CHRM3: variants seen among roughly 807,000 people sequenced by gnomAD.
CHRM3 encodes the protein cholinergic receptor muscarinic 3, also known as muscarinic acetylcholine receptor M3.
A neutral mutation model predicts 41.8 loss-of-function variants in CHRM3; 11 were observed. That is an observed-to-expected ratio of 0.26 (90% CI 0.17 to 0.44). The LOEUF (loss-of-function observed/expected upper bound fraction) is 0.44. Ranked by LOEUF, CHRM3 falls within the 20% of genes least tolerant of loss-of-function variation. The pLI, the probability that CHRM3 is intolerant of heterozygous loss-of-function variation, is 1.00. For synonymous variants in CHRM3, 297 were observed against 301.4 expected (o/e 0.99, Z 0.15); for missense variants, 571 against 745.4 (o/e 0.77, Z 2.72).
chr1:239,417,401 G>T (rs1661573729), intron 1 of CHRM3, among the ~76,000 whole-genome samples: 1 of 152,120 alleles, frequency 6.6e-6, no homozygotes, highest in African/African-American at 2.4e-5. Flanking sequence ...CACCAGATCT[G>T]CAGGACAGAA....
intron 1 of CHRM3, among the ~76,000 whole-genome samples, chr1:239,448,486 T>C (rs1315022702): frequency 6.6e-6 from 1 of 152,160 alleles, no homozygotes; most frequent in Non-Finnish European, 1.5e-5. Flanking sequence ...TGCGAAGTTA[T>C]TGAGGAATGA....
At chr1:239,697,517 C>CA (rs1660310764) in intron 5 of CHRM3, among the ~76,000 whole-genome samples, 2 of 151,816 alleles carry the variant, frequency 1.3e-5, no homozygotes, top group South Asian at 2.1e-4. Context: ...AGCATTTGAG[C>CA]AAAAAATGAT....
At position 239,549,381 on chromosome 1, in the gene CHRM3, T is replaced by C. The variant is rs374420500; in HGVS notation, c.-313+3632T>C. Among the ~76,000 whole-genome samples, 7 of 151,646 alleles carry C rather than the reference T, an allele frequency of 4.6e-5. No homozygotes were observed. In the East Asian group the frequency reaches 1.2e-3, roughly 25 times the overall value. ...CTTTAGAAGTCTCCTTCTGGCTGGA[T>C]GCAGTGGCCTATAATCCCAGCACTT... On this transcript the variant is annotated intron_variant, in intron 3 of 6. Transcript: ENST00000676153.
intron 5 of CHRM3, among the ~76,000 whole-genome samples, chr1:239,796,738 T>C (rs1669807994): frequency 6.6e-6 from 1 of 152,144 alleles, no homozygotes; most frequent in Non-Finnish European, 1.5e-5. Flanking sequence ...AGTGCATTTT[T>C]GTTACATGGA....
intron 4 of CHRM3, among the ~76,000 whole-genome samples, chr1:239,636,656 T>A (rs562828389): frequency 6.6e-6 from 1 of 152,304 alleles, no homozygotes; most frequent in East Asian, 1.9e-4. Context: ...GATAATTATA[T>A]GTTTGGAAAA....
At chr1:239,807,941 A>G (rs1176475580) in intron 5 of CHRM3, among the ~76,000 whole-genome samples, 1 of 152,030 alleles carries the variant, frequency 6.6e-6, no homozygotes, top group Non-Finnish European at 1.5e-5. Context: ...AGTCATTATG[A>G]TTATCTCATT....
intron 5 of CHRM3, among the ~76,000 whole-genome samples, chr1:239,782,016 A>G (rs1044030818): frequency 1.3e-5 from 2 of 152,040 alleles, no homozygotes; most frequent in Non-Finnish European, 2.9e-5. Context: ...TTGGTTTGCT[A>G]ATATTTTGTT....
In CHRM3 at chr1:239,497,571, A is replaced by T. The variant is rs142134032; in HGVS notation, c.-422+4764A>T. On this transcript the variant is annotated intron_variant, in intron 2 of 6. Transcript: ENST00000676153. The stretch of plus-strand genomic sequence containing the variant: ...TATCTGCAAGTTACTCTCTTGAAAG[A>T]ATAACGAAAGGTTGAGAGATCTGTA... Among the ~76,000 whole-genome samples, 48 of 152,362 alleles carry T rather than the reference A, an allele frequency of 3.2e-4. 1 individual carries two copies. The East Asian group carries it at 8.3e-3, about 26-fold the overall frequency.
intron 6 of CHRM3, among the ~76,000 whole-genome samples, chr1:239,895,943 C>T (rs1343477864): frequency 6.6e-6 from 1 of 152,156 alleles, no homozygotes; most frequent in Non-Finnish European, 1.5e-5. Context: ...ATGTAACAAA[C>T]CTGCCCATGT....
chr1:239,684,554 G>A (rs987527555), intron 5 of CHRM3, among the ~76,000 whole-genome samples: 9 of 151,424 alleles, frequency 5.9e-5, no homozygotes, highest in Middle Eastern at 3.4e-3. Flanking sequence ...AAAATTAGCC[G>A]GGCATGTTGG....
intron 1 of CHRM3, among the ~76,000 whole-genome samples, chr1:239,461,756 C>G (rs1665377440): frequency 6.6e-6 from 1 of 152,058 alleles, no homozygotes; most frequent in Non-Finnish European, 1.5e-5. Flanking sequence ...ATTTTTCTAC[C>G]TGTTCCTCAC....
chr1:239,512,185 A>G (rs760752639), intron 2 of CHRM3, among the ~76,000 whole-genome samples: 3 of 152,188 alleles, frequency 2.0e-5, no homozygotes, highest in Non-Finnish European at 4.4e-5. Flanking sequence ...GGTGAAAACC[A>G]CAGTTCACTC....
intron 1 of CHRM3, among the ~76,000 whole-genome samples, chr1:239,404,467 AAAAAGAAAGAAAGAAAGG>A (rs1660402808): frequency 8.0e-6 from 1 of 124,384 alleles, no homozygotes; most frequent in Non-Finnish European, 1.7e-5. Context: ...AGAAAGAAAG[AAAAAGAAAGAAAGAAAGG>A]AACATTTATT....
At chr1:239,520,968 GAA>G (rs913336821) in intron 2 of CHRM3, among the ~76,000 whole-genome samples, 1 of 150,488 alleles carries the variant, frequency 6.6e-6, no homozygotes, top group Admixed American at 6.6e-5. Context: ...ATAGAGCACA[GAA>G]AAAAAAATGG....
rs571036815 is a variant in CHRM3 at position 239,776,748 on chromosome 1, C to T, written c.-146-50504C>T. On this transcript the variant is annotated intron_variant, in intron 5 of 6. Coordinates refer to ENST00000676153, the MANE Select transcript of CHRM3 (RefSeq NM_001375978.1). Reference sequence around the variant, plus strand: ...ATAAAGGAAAGAGGTTTAATTGACTCACAGTTCCACAGGGCTGGGGAGGCC... The same window carrying T: ...ATAAAGGAAAGAGGTTTAATTGACTTACAGTTCCACAGGGCTGGGGAGGCC... Among the ~76,000 whole-genome samples the T allele has an allele frequency of 1.3e-3, 201 of 152,264 alleles. 1 individual carries two copies. The highest frequency in any genetic ancestry group is 2.1e-3 in the Non-Finnish European group (145 of 68,024).
chr1:239,558,595 A>G (rs747909280), intron 3 of CHRM3, among the ~76,000 whole-genome samples: 1 of 152,216 alleles, frequency 6.6e-6, no homozygotes, highest in Non-Finnish European at 1.5e-5. Flanking sequence ...TCATTCAAGA[A>G]TATTTAATTG....
intron 3 of CHRM3, among the ~76,000 whole-genome samples, chr1:239,597,485 A>AT (rs150140584): frequency 0.035 from 5,291 of 152,092 alleles, 336 homozygotes; most frequent in African/African-American, 0.12. Context: ...GATCTTGTAG[A>AT]TTTTTTTATA....
intron 5 of CHRM3, among the ~76,000 whole-genome samples, chr1:239,689,401 T>C (rs1246711974): frequency 6.6e-6 from 1 of 152,140 alleles, no homozygotes; most frequent in Non-Finnish European, 1.5e-5. Flanking sequence ...TTAGGCTAAA[T>C]GTTGCTTACA....
At chr1:239,841,383 G>A (rs759908472) in intron 6 of CHRM3, among the ~76,000 whole-genome samples, 2 of 152,100 alleles carry the variant, frequency 1.3e-5, no homozygotes, top group African/African-American at 2.4e-5. Flanking sequence ...GCAGAATTAC[G>A]TTCGTTACCA....
Sources: gnomAD v4.1 joint callset for allele counts (sites outside exome capture counted in the v4.1 genomes callset) on GRCh38, gnomAD v4.1.1 for gene constraint, MANE v1.5 for transcripts, NCBI Gene and HGNC (gene_info 2026-07-23, HGNC 2026-07-21) for gene names.